Variants in CACNA1C observed in about 807,000 individuals in gnomAD.
CACNA1C encodes the protein calcium voltage-gated channel subunit alpha1 C.
Under a neutral mutation model 229.0 loss-of-function variants are expected in CACNA1C, and 30 were observed. The observed-to-expected ratio is 0.13, with a 90% CI of 0.10 to 0.18. The LOEUF is 0.18. Among genes scored for constraint, CACNA1C ranks in the 10% least tolerant of loss-of-function variants. The pLI is 1.00. For synonymous variants in CACNA1C, 1,114 were observed against 1,132.5 expected, an observed-to-expected ratio of 0.98 and a Z score of 0.33; for missense variants, 1,658 against 2,845.0, an observed-to-expected ratio of 0.58 and a Z score of 9.49.
intron 1 of CACNA1C, among the ~76,000 whole-genome samples, chr12:1,978,484 T>A (rs1259443797): frequency 6.6e-6 from 1 of 152,248 alleles, no homozygotes; most frequent in African/African-American, 2.4e-5. Context: ...AATTTTCATT[T>A]ATTTAAATAC....
intron 3 of CACNA1C, among the ~76,000 whole-genome samples, chr12:2,268,252 T>C (rs995258119): frequency 3.3e-5 from 5 of 151,574 alleles, no homozygotes; most frequent in Non-Finnish European, 7.4e-5. Flanking sequence ...ATGGCAGGGG[T>C]GGGGTCGACA....
At chr12:2,047,932 C>G (rs565419171) in intron 1 of CACNA1C, among the ~76,000 whole-genome samples, 2 of 152,266 alleles carry the variant, frequency 1.3e-5, no homozygotes, top group East Asian at 1.9e-4. Context: ...CAAATAAAAC[C>G]CTTGTTTGCC....
chr12:2,158,128 A>G (rs895057956), intron 3 of CACNA1C, among the ~76,000 whole-genome samples: 1 of 152,214 alleles, frequency 6.6e-6, no homozygotes, highest in East Asian at 1.9e-4. Context: ...AGGGGAGGAA[A>G]TCACCAATGA....
chr12:2,052,768 G>A (rs869186922), upstream of CACNA1C, among the ~76,000 whole-genome samples: 91 of 145,690 alleles, frequency 6.2e-4, no homozygotes, highest in Non-Finnish European at 1.2e-3. Context: ...CGCTGCCGCG[G>A]GCGCCGGGAG....
chr12:2,359,951 C>T (rs1429255524), intron 3 of CACNA1C, among the ~76,000 whole-genome samples: 2 of 152,106 alleles, frequency 1.3e-5, no homozygotes, highest in Admixed American at 6.5e-5. Flanking sequence ...AGCACTGGGA[C>T]GGTGGTAGGG....
Position 2,691,096 on chromosome 12 carries a change from A to G in CACNA1C, c.6314A>G (p.Gln2105Arg). ...LPFVNCRDAG[Q>R]DRAGGEEDAG... ...TTTGTGAACTGCAGGGACGCGGGGC[A>G]GGACCGAGCCGGGGGCGAAGAGGAC... Residue 2105 changes from glutamine (Q) to arginine (R), a missense_variant, in exon 47 of 47, where the codon CAG becomes CGG. Physicochemically the swap from Gln to Arg is conservative, Grantham distance 43. Transcript: ENST00000399655. 6.2e-7 allele frequency: 1 copy of G among 1,612,394 alleles called. No individual in the cohort carries two copies. Among genetic ancestry groups the G allele is most frequent in the Non-Finnish European group, 8.5e-7 (1 of 1,179,236 alleles).
Position 2,665,775 on chromosome 12 carries a change from G to C in CACNA1C, c.4526+67G>C. 6.6e-7 allele frequency: 1 copy of C among 1,516,612 alleles called. No individual in the cohort carries two copies. The highest frequency in any genetic ancestry group is 8.9e-7 in the Non-Finnish European group (1 of 1,120,894). The allele number at this position is 1,516,612 out of a possible 1,614,324, so 93.9% of individuals were successfully genotyped here. ...AGGGTATAGCTGACCATACCTGCAG[G>C]AGGGGCTCAAGGTTGGCCAACACTG... is the stretch of plus-strand genomic sequence containing the variant. On this transcript the variant is annotated intron_variant, in intron 36 of 46. Coordinates refer to ENST00000399655, the MANE Select transcript of CACNA1C (RefSeq NM_000719.7). The surrounding 1 kb of genome is among the most constrained non-coding windows in gnomAD (Gnocchi z 5.9).
chr12:2,009,184 T>C, intron 1 of CACNA1C, among the ~76,000 whole-genome samples: 1 of 152,242 alleles, frequency 6.6e-6, no homozygotes, highest in Non-Finnish European at 1.5e-5. Context: ...ATTAAACATA[T>C]GCTCACACTT....
intron 3 of CACNA1C, among the ~76,000 whole-genome samples, chr12:2,355,793 A>T (rs1412165291): frequency 6.6e-6 from 1 of 152,208 alleles, no homozygotes; most frequent in African/African-American, 2.4e-5. Context: ...TAGCGGGTAG[A>T]GGCCGGGGAT....
At chr12:2,501,222 A>AAAAAAAAAAAAAAAAAAAAAAAAAT (rs2099759328) in intron 7 of CACNA1C, among the ~76,000 whole-genome samples, 1 of 150,708 alleles carries the variant, frequency 6.6e-6, no homozygotes, top group Non-Finnish European at 1.5e-5. Context: ...AAAAAAAAAA[A>AAAAAAAAAAAAAAAAAAAAAAAAAT]AAAAAAAAAA....
chr12:2,432,948 T>C (rs1377013038), intron 3 of CACNA1C, among the ~76,000 whole-genome samples: 1 of 152,058 alleles, frequency 6.6e-6, no homozygotes, highest in Non-Finnish European at 1.5e-5. Context: ...ACTGAGGCTG[T>C]GATGAGGGGA....
At chr12:2,098,181 A>G (rs2075043732) in intron 1 of CACNA1C, among the ~76,000 whole-genome samples, 1 of 152,152 alleles carries the variant, frequency 6.6e-6, no homozygotes, top group South Asian at 2.1e-4. Context: ...GAAGTTTGAT[A>G]TTTACCAAGG....
intron 3 of CACNA1C, among the ~76,000 whole-genome samples, chr12:2,235,338 G>A (rs184881108): frequency 6.6e-5 from 10 of 152,248 alleles, no homozygotes; most frequent in East Asian, 1.9e-4. Flanking sequence ...CCATTCAGCC[G>A]GGGTCCAACA....
chr12:2,580,189 T>C (rs550352107), intron 13 of CACNA1C, among the ~76,000 whole-genome samples: 2 of 152,310 alleles, frequency 1.3e-5, no homozygotes, highest in African/African-American at 4.8e-5. Flanking sequence ...AATAGATGTA[T>C]ATTAATATTC....
At chr12:2,107,883 C>T (rs974993177) in intron 1 of CACNA1C, among the ~76,000 whole-genome samples, 1 of 152,250 alleles carries the variant, frequency 6.6e-6, no homozygotes, top group African/African-American at 2.4e-5. Flanking sequence ...TCACCATGCT[C>T]TTCCCACAAG....
chr12:2,593,381 C>G (rs1387374013), intron 19 of CACNA1C, 36 bp downstream of exon 19: 6 of 1,609,750 alleles, frequency 3.7e-6, no homozygotes, highest in Non-Finnish European at 5.1e-6. Context: ...GGGTCCTGCT[C>G]TCTCTAGTAC....
chr12:2,685,417 G>T (rs1230601640), intron 43 of CACNA1C, among the ~76,000 whole-genome samples: 2 of 151,178 alleles, frequency 1.3e-5, no homozygotes, highest in African/African-American at 4.9e-5. Flanking sequence ...TTCCCCAAAA[G>T]AACTTCATGG....
chr12:2,310,798 A>T (rs1459273378), intron 3 of CACNA1C, among the ~76,000 whole-genome samples: 3 of 152,222 alleles, frequency 2.0e-5, no homozygotes, highest in African/African-American at 7.2e-5. Flanking sequence ...TCTGAAGCAC[A>T]TCAGAAGAAC....
In CACNA1C at chr12:2,655,224, G is replaced by A. The variant is rs939995713; in HGVS notation, c.4218G>A (p.Val1406=). Residue 1406 remains valine, a synonymous_variant, in exon 34 of 47, where the codon GTG becomes GTA. Coordinates refer to ENST00000399655, the MANE Select transcript of CACNA1C (RefSeq NM_000719.7). ...ACTTTCAGACCTTCCCCCAGGCCGT[G>A]CTGCTCCTCTTCAGGTGGGTCCCTG... The part of the protein sequence containing the change: ...NNNFQTFPQA[V]LLLFRCATGE... 1 of 1,611,720 alleles carries A rather than the reference G, an allele frequency of 6.2e-7. No homozygotes were observed. Among genetic ancestry groups the A allele is most frequent in the Admixed American group, 1.7e-5 (1 of 59,996 alleles).
Sources: gnomAD v4.1 joint callset for allele counts (sites outside exome capture counted in the v4.1 genomes callset) on GRCh38, gnomAD v4.1.1 for gene constraint, Gnocchi (gnomAD v3.1) non-coding constraint, MANE v1.5 for transcripts, NCBI Gene and HGNC (gene_info 2026-07-23, HGNC 2026-07-21) for gene names.